The following TEX9 variants were observed in gnomAD, a reference collection of about 807,000 sequenced individuals.
TEX9 encodes the protein testis expressed 9, also known as testis-expressed protein 9.
TEX9 carries 74 observed loss-of-function variants against 59.6 expected under a neutral mutation model. That is an observed-to-expected ratio of 1.24 (90% CI 1.03 to 1.51). The LOEUF is 1.51. TEX9 is among the 40% of genes most tolerant of loss of function. The pLI is 0.00. For synonymous variants in TEX9, 186 were observed against 152.2 expected (o/e 1.22, Z -1.64); for missense variants, 522 against 447.8 (o/e 1.17, Z -1.49).
intron 1 of TEX9, chr15:56,323,446 C>T (rs2045946648): frequency 1.2e-5 from 2 of 165,404 alleles, no homozygotes; most frequent in South Asian, 3.2e-4. Context: ...CAAAAGAGAA[C>T]ATCCCATTGG....
chr15:56,413,527 C>T (rs1305008464), intron 10 of TEX9, among the ~76,000 whole-genome samples: 1 of 151,022 alleles, frequency 6.6e-6, no homozygotes, highest in East Asian at 1.9e-4. Flanking sequence ...AACTGAAACT[C>T]TCTACCAATT....
the TEX9 span, among the ~76,000 whole-genome samples, chr15:56,454,346 G>C: frequency 7.1e-6 from 1 of 141,196 alleles, no homozygotes; most frequent in East Asian, 2.0e-4. Flanking sequence ...TTTATCATTT[G>C]TGTTACAAAC....
chr15:56,328,662 G>A (rs2046078069), intron 1 of TEX9, among the ~76,000 whole-genome samples: 3 of 152,216 alleles, frequency 2.0e-5, no homozygotes, highest in African/African-American at 7.2e-5. Context: ...TCAAGGACCT[G>A]TGGTAGTAGT....
intron 9 of TEX9, among the ~76,000 whole-genome samples, chr15:56,405,275 C>G (rs2049020532): frequency 1.3e-5 from 2 of 150,434 alleles, no homozygotes; most frequent in South Asian, 2.1e-4. Context: ...CCACTGCACT[C>G]CAGCCTGGGT....
intron 1 of TEX9, among the ~76,000 whole-genome samples, chr15:56,320,240 T>A (rs575610403): frequency 6.6e-6 from 1 of 152,342 alleles, no homozygotes; most frequent in East Asian, 1.9e-4. Context: ...AGTGTAAGCT[T>A]CTTTAGGGCA....
intron 1 of TEX9, among the ~76,000 whole-genome samples, chr15:56,315,868 C>T (rs1328828196): frequency 6.7e-6 from 1 of 150,036 alleles, no homozygotes; most frequent in Admixed American, 6.8e-5. Context: ...TATTTTTTCT[C>T]TAAACTTCCC....
At chr15:56,315,754 T>A (rs1596083239) in intron 1 of TEX9, among the ~76,000 whole-genome samples, 1 of 147,274 alleles carries the variant, frequency 6.8e-6, no homozygotes, top group Non-Finnish European at 1.5e-5. Context: ...GTTTTCCAAC[T>A]TGGTTCCATT....
At chr15:56,444,524 C>CTTTTTT (rs549395315) in intron 12 of TEX9, 4 of 1,511,608 alleles carry the variant, frequency 2.6e-6, no homozygotes, top group Non-Finnish European at 1.8e-6. Context: ...AAGCTTCCTG[C>CTTTTTT]TTTTTTTTTT....
At chr15:56,391,282 T>G (rs775358606) in exon 7 of TEX9, 13 of 1,583,660 alleles carry the variant, frequency 8.2e-6, no homozygotes, top group Non-Finnish European at 1.1e-5. Flanking sequence ...CTGCCGACGA[T>G]GTTGCCATTC....
At chr15:56,402,312 C>T (rs926424780) in intron 9 of TEX9, among the ~76,000 whole-genome samples, 5 of 152,252 alleles carry the variant, frequency 3.3e-5, no homozygotes, top group South Asian at 2.1e-4. Context: ...GATATCGCCA[C>T]GGATCCCGCA....
intron 1 of TEX9, among the ~76,000 whole-genome samples, chr15:56,265,401 G>A (rs775568579): frequency 2.6e-5 from 4 of 151,736 alleles, no homozygotes; most frequent in Non-Finnish European, 5.9e-5. Flanking sequence ...TCGAACTCCT[G>A]GCCTCAAGCG....
intron 1 of TEX9, among the ~76,000 whole-genome samples, chr15:56,316,798 C>T (rs1182148030): frequency 5.3e-5 from 8 of 152,176 alleles, no homozygotes; most frequent in Admixed American, 6.5e-5. Context: ...TAGCAATCAG[C>T]GAGACTCCGT....
chr15:56,412,532 T>G, intron 10 of TEX9, 96 bp downstream of exon 10: 1 of 1,293,444 alleles, frequency 7.7e-7, no homozygotes, highest in Non-Finnish European at 1.1e-6. Flanking sequence ...TAATTCTTGA[T>G]GTCATGCTGA....
At position 56,443,725 on chromosome 15, in the gene TEX9, C is replaced by T. The variant is rs150446377; in HGVS notation, c.*30-1946C>T. On this transcript the variant is annotated intron_variant, in intron 12 of 12. Coordinates refer to ENST00000352903, the Ensembl canonical transcript of TEX9. ...CTCTTTGCTGCTGCATGTTAGCAAA[C>T]TCTATGATTTTTCTGTTTTCTTCTT... is the stretch of plus-strand genomic sequence containing the variant. 6.7e-4 allele frequency: 1,073 copies of T among 1,613,224 alleles called. 3 individuals are homozygous for T. The highest frequency in any genetic ancestry group is 1.0e-3 in the Admixed American group (62 of 59,972).
Position 56,324,425 on chromosome 15 carries a change from G to A in TEX9, c.-106-49016G>A, listed in dbSNP as rs536030200. Among the ~76,000 whole-genome samples the A allele has an allele frequency of 1.8e-4, 27 of 152,240 alleles. 1 individual carries two copies. In the South Asian group the frequency reaches 4.8e-3, roughly 27 times the overall value. ...CCTTAGGAAGGCATATTAACATTGA[G>A]TTACACACATAAGTGGTGTGTAGGA... On this transcript the variant is annotated intron_variant, in intron 1 of 5. Coordinates refer to the TEX9 transcript ENST00000560827.
chr15:56,279,777 T>C (rs2044770766), intron 1 of TEX9, among the ~76,000 whole-genome samples: 1 of 152,216 alleles, frequency 6.6e-6, no homozygotes, highest in South Asian at 2.1e-4. Context: ...ACAAATTTTC[T>C]TAGCATAATT....
chr15:56,345,409 T>C (rs2046451919), intron 1 of TEX9, among the ~76,000 whole-genome samples: 1 of 152,108 alleles, frequency 6.6e-6, no homozygotes, highest in Non-Finnish European at 1.5e-5. Context: ...AAGAACTGTG[T>C]TGAGGCTACT....
intron 1 of TEX9, among the ~76,000 whole-genome samples, chr15:56,278,413 G>A (rs1477662501): frequency 3.9e-5 from 6 of 152,168 alleles, no homozygotes; most frequent in East Asian, 1.9e-4. Flanking sequence ...GCGGGTTGCC[G>A]TTTTAGTAAA....
intron 3 of TEX9, among the ~76,000 whole-genome samples, chr15:56,378,452 G>T (rs1490167914): frequency 3.3e-5 from 5 of 151,930 alleles, no homozygotes; most frequent in Admixed American, 6.6e-5. Context: ...TTGGTGGGTT[G>T]TATGTATGTG....
Sources: gnomAD v4.1 joint callset for allele counts (sites outside exome capture counted in the v4.1 genomes callset) on GRCh38, gnomAD v4.1.1 for gene constraint, MANE v1.5 for transcripts, NCBI Gene and HGNC (gene_info 2026-07-23, HGNC 2026-07-21) for gene names.